VPS8: variants seen among roughly 807,000 people sequenced by gnomAD.
VPS8 encodes the protein vacuolar protein sorting-associated protein 8 homolog.
In VPS8, 129 loss-of-function variants were observed where a neutral mutation model predicts 216.4. The ratio of observed to expected loss-of-function variants is 0.60; its 90% confidence interval spans 0.52 to 0.69. The LOEUF (loss-of-function observed/expected upper bound fraction) is 0.69, where lower values mean the gene tolerates loss of function less well. VPS8 is among the 30% of genes least tolerant of loss of function. The pLI, the probability that VPS8 is intolerant of heterozygous loss-of-function variation, is 0.00. For missense variants in VPS8, 1,531 were observed against 1,683.5 expected (o/e 0.91, Z 1.59); for synonymous variants, 571 against 565.4 (o/e 1.01, Z -0.14).
rs759267069 is a variant in VPS8, at chr3:184,849,887, CA to C, written c.667-42del. 1.2e-5 allele frequency: 17 copies of C among 1,467,420 alleles called. No homozygotes were observed. The African/African-American group carries it at 1.3e-4, about 11-fold the overall frequency. 90.9% of individuals were successfully genotyped at this position (1,467,420 alleles called of 1,614,324 possible). A position where few individuals can be genotyped will look rare whatever the true frequency, so the allele number is the denominator to read the frequency against. On this transcript the variant is annotated intron_variant, in intron 9 of 47. Transcript: ENST00000625842. The stretch of plus-strand genomic sequence containing the variant: ...AGCCAGAAGGCAGGATACTTAAGTC[CA>C]AAAAAAGAGCAATAAATTTGTTTTT...
intron 1 of VPS8, among the ~76,000 whole-genome samples, chr3:184,823,126 G>A (rs1157799463): frequency 6.6e-6 from 1 of 152,116 alleles, no homozygotes; most frequent in Middle Eastern, 3.2e-3. Flanking sequence ...TTAATTATAG[G>A]TACTAAAATA....
At chr3:184,972,832 C>T (rs929174498) in intron 40 of VPS8, among the ~76,000 whole-genome samples, 5 of 152,260 alleles carry the variant, frequency 3.3e-5, no homozygotes, top group Admixed American at 3.3e-4. Context: ...CATGATATGG[C>T]TTAACTCTTC....
At chr3:184,902,112 C>A (rs1452470277) in intron 25 of VPS8, among the ~76,000 whole-genome samples, 1 of 107,908 alleles carries the variant, frequency 9.3e-6, no homozygotes, top group Non-Finnish European at 1.9e-5. Flanking sequence ...AAATATTTAG[C>A]CCCCCCCCCC....
chr3:184,869,097 G>C, intron 19 of VPS8, 61 bp downstream of exon 19: 1 of 1,471,856 alleles, frequency 6.8e-7, no homozygotes. Context: ...GGAATGGTTA[G>C]TACTAACCAC....
chr3:184,978,772 T>G (rs1411471262), intron 40 of VPS8, among the ~76,000 whole-genome samples: 1 of 152,312 alleles, frequency 6.6e-6, no homozygotes, highest in African/African-American at 2.4e-5. Flanking sequence ...GTTTCATTAG[T>G]CTTTTATCTG....
chr3:184,961,721 C>CT (rs34091156), intron 37 of VPS8, among the ~76,000 whole-genome samples: 36,365 of 143,470 alleles, frequency 0.25, 5,534 homozygotes, highest in East Asian at 0.61. Flanking sequence ...TATAAGTTGC[C>CT]TTTTTTTTTT....
chr3:184,962,606 GTC>G (rs1352792876), intron 37 of VPS8, among the ~76,000 whole-genome samples: 7 of 151,902 alleles, frequency 4.6e-5, no homozygotes, highest in Admixed American at 1.3e-4. Context: ...TGATTTCCCA[GTC>G]TCTAATCCTT....
intron 45 of VPS8, among the ~76,000 whole-genome samples, chr3:185,004,449 C>G (rs554636060): frequency 6.6e-6 from 1 of 152,292 alleles, no homozygotes; most frequent in South Asian, 2.1e-4. Context: ...AGCCTCGGCT[C>G]GGCCTCAGAG....
intron 45 of VPS8, among the ~76,000 whole-genome samples, chr3:185,022,171 C>G (rs1756756929): frequency 6.6e-6 from 1 of 152,172 alleles, no homozygotes; most frequent in Non-Finnish European, 1.5e-5. Context: ...TTGCTTGGCA[C>G]TTCTCTCTCC....
At chr3:184,999,890 A>G in intron 45 of VPS8, 29 bp downstream of exon 45, 1 of 1,583,738 alleles carries the variant, frequency 6.3e-7, no homozygotes, top group East Asian at 2.2e-5. Flanking sequence ...GCAAAATGGA[A>G]ATGGTCTTTT....
intron 47 of VPS8, among the ~76,000 whole-genome samples, chr3:185,049,510 C>T (rs1197190269): frequency 6.6e-6 from 1 of 152,170 alleles, no homozygotes; most frequent in Admixed American, 6.5e-5. Context: ...CTCCTTATCA[C>T]TCACGGAGGC....
chr3:184,985,262 G>A (rs1750887791), intron 42 of VPS8, among the ~76,000 whole-genome samples: 1 of 152,130 alleles, frequency 6.6e-6, no homozygotes, highest in Non-Finnish European at 1.5e-5. Context: ...TGAGTTCTTA[G>A]CCTATCATTA....
rs1213766200 is a variant in VPS8 at position 185,043,563 on chromosome 3, T to G, written c.4057-4916T>G. On this transcript the variant is annotated intron_variant, in intron 46 of 47. Transcript: ENST00000625842. ...AGAAGGCATTCGTGAACGCCTAGTG[T>G]GTACCCAAAACTGTCATGACATTGT... 2.0e-5 allele frequency among the ~76,000 whole-genome samples: 3 copies of G among 152,328 alleles called. No individual in the cohort carries two copies. In the East Asian group the frequency reaches 5.8e-4, roughly 29 times the overall value.
intron 13 of VPS8, 82 bp downstream of exon 13, chr3:184,854,255 C>G: frequency 1.4e-6 from 2 of 1,460,588 alleles, no homozygotes; most frequent in Non-Finnish European, 1.9e-6. Flanking sequence ...GGGGTGAATT[C>G]TATGAGATTG....
chr3:184,898,718 C>A, intron 24 of VPS8, 64 bp downstream of exon 24: 2 of 1,225,966 alleles, frequency 1.6e-6, no homozygotes, highest in Non-Finnish European at 2.3e-6. Flanking sequence ...CTCCTATTCT[C>A]CATTTGCTTT....
intron 8 of VPS8, among the ~76,000 whole-genome samples, chr3:184,846,545 A>T (rs1340700739): frequency 6.6e-6 from 1 of 152,238 alleles, no homozygotes. Flanking sequence ...ACGTTGTTAA[A>T]TTAGAAAGTA....
In VPS8 at chr3:184,983,052, A is replaced by C; in HGVS notation, c.3543A>C (p.Ala1181=). The C allele has an allele frequency of 6.2e-7, 1 of 1,610,634 alleles. No homozygotes were observed. ...SLTMQVLNSM[A]AFIALPSILQ... Reference sequence around the variant, plus strand: ...CCATGCAAGTTTTAAATAGCATGGCAGCATTTATTGCCCTTCCATCAATCT... The same window carrying C: ...CCATGCAAGTTTTAAATAGCATGGCCGCATTTATTGCCCTTCCATCAATCT... The change falls in exon 42 of 48, where the codon GCA becomes GCC. Residue 1181 remains alanine, a synonymous_variant. Transcript: ENST00000625842.
At chr3:184,876,077 T>A (rs1478504865) in intron 21 of VPS8, among the ~76,000 whole-genome samples, 2 of 152,114 alleles carry the variant, frequency 1.3e-5, no homozygotes, top group Non-Finnish European at 2.9e-5. Flanking sequence ...TGGACCCTTT[T>A]ATTTCTCATC....
intron 14 of VPS8, among the ~76,000 whole-genome samples, chr3:184,856,180 C>T (rs1001216112): frequency 6.6e-6 from 1 of 152,176 alleles, no homozygotes; most frequent in East Asian, 1.9e-4. Flanking sequence ...GTGATGGGCA[C>T]AAGCAGCAAA....
Sources: gnomAD v4.1 joint callset for allele counts (sites outside exome capture counted in the v4.1 genomes callset) on GRCh38, gnomAD v4.1.1 for gene constraint, MANE v1.5 for transcripts, NCBI Gene and HGNC (gene_info 2026-07-23, HGNC 2026-07-21) for gene names.